SGCD: variants seen among roughly 807,000 people sequenced by gnomAD.
SGCD encodes sarcoglycan delta.
In SGCD, 18 loss-of-function variants were observed where a neutral mutation model predicts 36.6. The observed-to-expected ratio is 0.49, with a 90% CI of 0.34 to 0.73. The LOEUF is 0.73. Ranked by LOEUF, SGCD falls within the 30% of genes least tolerant of loss-of-function variation. The probability of loss-of-function intolerance (pLI) is 0.01; values close to 1 mark genes in which losing one functional copy is unlikely to be tolerated. For synonymous variants in SGCD, 133 were observed against 130.6 expected, an observed-to-expected ratio of 1.02 and a Z score of -0.12; for missense variants, 387 against 346.7, an observed-to-expected ratio of 1.12 and a Z score of -0.92.
intron 3 of SGCD, among the ~76,000 whole-genome samples, chr5:156,286,094 C>T (rs1314146767): frequency 6.6e-6 from 1 of 152,124 alleles, no homozygotes; most frequent in East Asian, 1.9e-4. Context: ...CACTGGCCAT[C>T]AGAGAAATGC....
chr5:156,133,000 A>G (rs1379155152), intron 3 of SGCD, among the ~76,000 whole-genome samples: 1 of 152,210 alleles, frequency 6.6e-6, no homozygotes, highest in African/African-American at 2.4e-5. Context: ...TTCTGCCAGT[A>G]TACACTGAGT....
chr5:156,175,948 C>T (rs1040454463), intron 3 of SGCD, among the ~76,000 whole-genome samples: 7 of 148,332 alleles, frequency 4.7e-5, no homozygotes, highest in African/African-American at 1.5e-4. Flanking sequence ...TTCTGTGGAT[C>T]TTTTTTTTTT....
At chr5:156,077,034 G>A (rs529405341) in intron 1 of SGCD, among the ~76,000 whole-genome samples, 234 of 152,256 alleles carry the variant, frequency 1.5e-3, no homozygotes, top group Admixed American at 2.7e-3. Flanking sequence ...TATATTTGGG[G>A]ACAATAAGTA....
chr5:155,823,914 G>T, the SGCD span, among the ~76,000 whole-genome samples: 794 of 152,220 alleles, frequency 5.2e-3, 11 homozygotes, highest in African/African-American at 0.018. Context: ...CCAGATTACC[G>T]CATGAGGACA....
intron 3 of SGCD, among the ~76,000 whole-genome samples, chr5:156,303,403 C>T (rs1288719677): frequency 6.6e-6 from 1 of 152,060 alleles, no homozygotes; most frequent in African/African-American, 2.4e-5. Flanking sequence ...AGGGTGGTTC[C>T]AGAAATGCCA....
At chr5:156,459,023 T>C (rs1195206945) in intron 3 of SGCD, among the ~76,000 whole-genome samples, 1 of 152,212 alleles carries the variant, frequency 6.6e-6, no homozygotes, top group Non-Finnish European at 1.5e-5. Flanking sequence ...ATCTTATTTT[T>C]CATTCAACAG....
chr5:156,731,326 G>T (rs527993828), intron 7 of SGCD, among the ~76,000 whole-genome samples: 133 of 152,212 alleles, frequency 8.7e-4, no homozygotes, highest in Non-Finnish European at 1.7e-3. Context: ...CCTATGTCCT[G>T]AATAGCATGT....
At chr5:156,655,811 GT>G (rs565121227) in intron 7 of SGCD, among the ~76,000 whole-genome samples, 36 of 150,532 alleles carry the variant, frequency 2.4e-4, no homozygotes, top group Admixed American at 1.2e-3. Flanking sequence ...CTTATTCACT[GT>G]TTTTTTTTCC....
rs185546371 is a variant in SGCD at position 156,728,009 on chromosome 5, A to G, written c.576-29572A>G. Among the ~76,000 whole-genome samples the G allele has an allele frequency of 2.2e-3, 329 of 152,346 alleles. 2 individuals are homozygous for G. The highest frequency in any genetic ancestry group is 7.7e-3 in the African/African-American group (320 of 41,578). ...CACTGTTCTAAGTATCTTACATTAA[A>G]TACCTCAATTATCCTCCCCACAATC... On this transcript the variant is annotated intron_variant, in intron 7 of 8. Transcript: ENST00000337851.
At chr5:156,730,493 T>C (rs1193660399) in intron 7 of SGCD, among the ~76,000 whole-genome samples, 2 of 152,120 alleles carry the variant, frequency 1.3e-5, no homozygotes, top group African/African-American at 4.8e-5. Flanking sequence ...CTGTTTTGTG[T>C]TTGTTAGTTT....
chr5:155,773,702 C>G, the SGCD span, among the ~76,000 whole-genome samples: 2 of 152,078 alleles, frequency 1.3e-5, no homozygotes, highest in African/African-American at 2.4e-5. Flanking sequence ...GGGAGTATGT[C>G]TAGGGGTAAG....
rs79949261 is a variant in SGCD, at chr5:156,011,721, C to T, written c.-281-106157C>T. On this transcript the variant is annotated intron_variant, in intron 1 of 9. Transcript: ENST00000517913. ...TGAATGTGCTGGGATTACAGGCGTG[C>T]GCCTCGGTGCCTGGCCCAGAATTCT... Among the ~76,000 whole-genome samples the T allele has an allele frequency of 7.1e-3, 1,086 of 152,196 alleles. 14 individuals are homozygous for T. Among genetic ancestry groups the T allele is most frequent in the African/African-American group, 0.025 (1,038 of 41,520 alleles).
chr5:156,690,504 A>G (rs1168739546), intron 7 of SGCD, among the ~76,000 whole-genome samples: 2 of 152,166 alleles, frequency 1.3e-5, no homozygotes, highest in Non-Finnish European at 2.9e-5. Flanking sequence ...AGAGATGTAC[A>G]GCAAGAAGTC....
chr5:155,887,028 T>G (rs1007959505), intron 1 of SGCD, among the ~76,000 whole-genome samples: 4 of 152,216 alleles, frequency 2.6e-5, no homozygotes, highest in African/African-American at 9.6e-5. Context: ...AAATTCCTGG[T>G]GTCCCTTTTA....
At position 155,874,267 on chromosome 5, in the gene SGCD, G is replaced by T. The variant is rs191129024; in HGVS notation, c.-282+3843G>T. Among the ~76,000 whole-genome samples the T allele has an allele frequency of 7.2e-5, 11 of 152,086 alleles. 1 individual carries two copies. The highest frequency in any genetic ancestry group is 7.2e-4 in the Admixed American group (11 of 15,244). ...AGAGCTTTTTTTACAACTTACCATG[G>T]TATGAGTACAGACATGTATTAAAAA... is the stretch of plus-strand genomic sequence containing the variant. On this transcript the variant is annotated intron_variant, in intron 1 of 9. Coordinates refer to the SGCD transcript ENST00000517913.
intron 3 of SGCD, among the ~76,000 whole-genome samples, chr5:156,423,224 A>AT (rs1773439494): frequency 2.3e-5 from 2 of 88,518 alleles, no homozygotes; most frequent in African/African-American, 4.9e-5. Context: ...ATAATATAAT[A>AT]TATTGTATTA....
chr5:155,908,233 T>G (rs1756563384), intron 1 of SGCD, among the ~76,000 whole-genome samples: 1 of 152,124 alleles, frequency 6.6e-6, no homozygotes, highest in Non-Finnish European at 1.5e-5. Flanking sequence ...TGTTACTCAC[T>G]TTGTTGCAAA....
chr5:155,894,517 G>A (rs1439514984), intron 1 of SGCD, among the ~76,000 whole-genome samples: 1 of 152,090 alleles, frequency 6.6e-6, no homozygotes, highest in African/African-American at 2.4e-5. Context: ...TATAAACTGG[G>A]CCGCATAGCA....
At chr5:156,129,376 G>A (rs1053612560) in intron 3 of SGCD, among the ~76,000 whole-genome samples, 8 of 152,000 alleles carry the variant, frequency 5.3e-5, no homozygotes, top group African/African-American at 1.9e-4. Flanking sequence ...CAAATCATAC[G>A]GCTTGGTCAC....
Sources: allele counts gnomAD v4.1 joint callset (sites outside exome capture counted in the v4.1 genomes callset), GRCh38; gene constraint gnomAD v4.1.1; transcripts MANE v1.5; gene names NCBI Gene and HGNC (gene_info 2026-07-23, HGNC 2026-07-21).